ADAMTS14: variants seen among roughly 807,000 people sequenced by gnomAD.
ADAMTS14 encodes the protein ADAM metallopeptidase with thrombospondin type 1 motif 14, also known as A disintegrin and metalloproteinase with thrombospondin motifs 14.
A neutral mutation model predicts 128.6 loss-of-function variants in ADAMTS14; 100 were observed. The ratio of observed to expected loss-of-function variants is 0.78; its 90% confidence interval spans 0.66 to 0.92. ADAMTS14 has a LOEUF of 0.92. ADAMTS14 is among the 40% of genes least tolerant of loss of function. The probability of loss-of-function intolerance (pLI) is 0.00; values close to 1 mark genes in which losing one functional copy is unlikely to be tolerated. For synonymous variants in ADAMTS14, 665 were observed against 653.8 expected, an observed-to-expected ratio of 1.02 and a Z score of -0.26; for missense variants, 1,562 against 1,658.6, an observed-to-expected ratio of 0.94 and a Z score of 1.01.
Position 70,760,908 on chromosome 10 carries a change from TC to T in ADAMTS14, c.*58del. 1 of 1,504,916 alleles carries T rather than the reference TC, an allele frequency of 6.6e-7. No homozygotes were observed. 93.2% of individuals were successfully genotyped at this position (1,504,916 alleles called of 1,614,324 possible). ...TACACTCTGTGTACTGCCCCGTGAC[TC>T]CCAGCTCAGAGGACACACATAGCAG... is the stretch of plus-strand genomic sequence containing the variant. On this transcript the variant is annotated 3_prime_UTR_variant, in exon 22 of 22. Coordinates refer to ENST00000373207, the MANE Select transcript of ADAMTS14 (RefSeq NM_080722.4).
chr10:70,730,070 C>A (rs373652094), intron 5 of ADAMTS14, 32 bp from the exon 6 acceptor site: 10 of 1,558,046 alleles, frequency 6.4e-6, no homozygotes, highest in Middle Eastern at 2.3e-4. Context: ...TGACCCTCCA[C>A]GTGGCTGTTG....
In ADAMTS14 at chr10:70,760,519, C is replaced by T. The variant is rs1480580283; in HGVS notation, c.3338C>T (p.Pro1113Leu). Residue 1113 changes from proline to leucine, a missense_variant, in exon 22 of 22, where the codon CCC becomes CTC. Transcript: ENST00000373207. ...GPDPGPTSLPPFSTPGSPLPG... is the reference protein window; with the variant it reads ...GPDPGPTSLPLFSTPGSPLPG... Reference sequence around the variant, plus strand: ...GACCCTGGCCCAACCTCACTGCCCCCCTTCTCCACTCCTGGAAGCCCCTTA... The same window carrying T: ...GACCCTGGCCCAACCTCACTGCCCCTCTTCTCCACTCCTGGAAGCCCCTTA... 1.2e-6 allele frequency: 2 copies of T among 1,613,824 alleles called. No homozygotes were observed. Among genetic ancestry groups the T allele is most frequent in the East Asian group, 2.2e-5 (1 of 44,882 alleles).
chr10:70,745,928 G>A (rs1380945216), intron 15 of ADAMTS14, among the ~76,000 whole-genome samples: 1 of 152,170 alleles, frequency 6.6e-6, no homozygotes, highest in African/African-American at 2.4e-5. Flanking sequence ...CTAACCCAGT[G>A]TTATTCACAT....
chr10:70,691,515 A>G (rs1254408030), intron 2 of ADAMTS14, among the ~76,000 whole-genome samples: 2 of 108,918 alleles, frequency 1.8e-5, no homozygotes, highest in African/African-American at 5.5e-5. Flanking sequence ...AAAAACAAAG[A>G]AAAAAACAAA....
rs1462337348 is a variant in ADAMTS14 at position 70,749,942 on chromosome 10, G to A, written c.2384G>A (p.Ser795Asn). 1.5e-5 allele frequency: 24 copies of A among 1,614,134 alleles called. No individual in the cohort carries two copies. Among genetic ancestry groups the A allele is most frequent in the East Asian group, 2.2e-5 (1 of 44,870 alleles). Residue 795 changes from serine to asparagine, a missense_variant, in exon 16 of 22, where the codon AGC becomes AAC. Physicochemically the swap from Ser to Asn is conservative, Grantham distance 46 (BLOSUM62 1). Coordinates refer to ENST00000373207, the MANE Select transcript of ADAMTS14 (RefSeq NM_080722.4). ...GATGCGGTGGAGGATGCCAAGGAAA[G>A]CCTCAAGACCAGCGGGCCCCTGCCT... ...WEDAVEDAKESLKTSGPLPEA... is the reference protein window; with the variant it reads ...WEDAVEDAKENLKTSGPLPEA...
intron 16 of ADAMTS14, among the ~76,000 whole-genome samples, chr10:70,750,946 G>A (rs969807735): frequency 6.6e-5 from 10 of 152,234 alleles, no homozygotes; most frequent in Non-Finnish European, 8.8e-5. Flanking sequence ...TCTTAGATAC[G>A]ACAGGCACTA....
chr10:70,697,886 A>G (rs1840380655), intron 2 of ADAMTS14, among the ~76,000 whole-genome samples: 1 of 152,214 alleles, frequency 6.6e-6, no homozygotes, highest in Admixed American at 6.5e-5. Context: ...AAACGATGTC[A>G]TGTTGGAGAA....
chr10:70,673,994 A>G (rs953521842), intron 1 of ADAMTS14, among the ~76,000 whole-genome samples: 1 of 152,182 alleles, frequency 6.6e-6, no homozygotes, highest in Non-Finnish European at 1.5e-5. Flanking sequence ...TCCTGTAAAA[A>G]GTTTTCTTTC....
At chr10:70,674,518 C>T (rs987007484) in intron 1 of ADAMTS14, 38 bp from the exon 2 acceptor site, 10 of 1,581,448 alleles carry the variant, frequency 6.3e-6, no homozygotes, top group East Asian at 2.2e-5. Flanking sequence ...ACCTCTGAAC[C>T]GACTGCATTG....
intron 15 of ADAMTS14, 34 bp downstream of exon 15, chr10:70,745,340 G>A: frequency 1.9e-6 from 3 of 1,607,664 alleles, no homozygotes; most frequent in Non-Finnish European, 2.5e-6. Flanking sequence ...GGACAGCAGG[G>A]CCCCAGGCCC....
chr10:70,674,957 C>T lies in ADAMTS14; in HGVS notation c.484C>T (p.Pro162Ser), dbSNP rs773646424. ...CVYTGGVTGM[P>S]GAAVAISNCD... ...GTACACTGGAGGTGTCACTGGAATG[C>T]CTGGGGCAGCTGTTGCCATCAGCAA... is the stretch of plus-strand genomic sequence containing the variant. Residue 162 changes from proline to serine, a missense_variant, in exon 2 of 22, where the codon CCT becomes TCT. Transcript: ENST00000373207. The T allele has an allele frequency of 3.7e-6, 6 of 1,612,942 alleles. No individual in the cohort carries two copies. The East Asian group carries it at 1.3e-4, about 36-fold the overall frequency.
At chr10:70,700,701 T>G (rs1450977913) in intron 2 of ADAMTS14, among the ~76,000 whole-genome samples, 1 of 152,150 alleles carries the variant, frequency 6.6e-6, no homozygotes, top group East Asian at 1.9e-4. Flanking sequence ...ACCTGATGGA[T>G]AGTCATCCTT....
intron 8 of ADAMTS14, 121 bp from the exon 9 acceptor site, chr10:70,735,048 G>A (rs1030791579): frequency 2.3e-6 from 3 of 1,324,568 alleles, no homozygotes; most frequent in Admixed American, 2.4e-5. Flanking sequence ...ACAGCGCTGG[G>A]AACAGAATAG....
chr10:70,704,184 C>T (rs897798759), intron 3 of ADAMTS14, among the ~76,000 whole-genome samples: 4 of 152,186 alleles, frequency 2.6e-5, no homozygotes, highest in Non-Finnish European at 5.9e-5. Flanking sequence ...ACATCTCCAG[C>T]TGTGGCTGAG....
chr10:70,677,005 C>T (rs1022405565), intron 2 of ADAMTS14, among the ~76,000 whole-genome samples: 5 of 152,190 alleles, frequency 3.3e-5, no homozygotes, highest in African/African-American at 1.2e-4. Flanking sequence ...ATGGTGAGAA[C>T]CTAAACTGAG....
At chr10:70,681,445 T>C (rs566939478) in intron 2 of ADAMTS14, among the ~76,000 whole-genome samples, 2 of 152,220 alleles carry the variant, frequency 1.3e-5, no homozygotes, top group South Asian at 4.2e-4. Flanking sequence ...GAAAATGTAA[T>C]TGGAAAATGT....
chr10:70,683,569 C>T (rs1022658115), intron 2 of ADAMTS14, among the ~76,000 whole-genome samples: 10 of 152,214 alleles, frequency 6.6e-5, no homozygotes, highest in African/African-American at 2.4e-4. Context: ...AGCACAGGCT[C>T]TCCTGGGGAA....
chr10:70,752,183 G>A lies in ADAMTS14; in HGVS notation c.2685G>A (p.Lys895=). The A allele has an allele frequency of 1.9e-6, 3 of 1,613,758 alleles. 1 individual carries two copies. In the South Asian group the frequency reaches 3.3e-5, roughly 18 times the overall value. The part of the protein sequence containing the change: ...RHLCDHKKRP[K]PIRRRCNQHP... ...TGTGTGACCACAAGAAGAGGCCCAA[G>A]CCCATCCGCCGGCGCTGCAACCAGC... is the stretch of plus-strand genomic sequence containing the variant. Residue 895 remains lysine (K), a synonymous_variant, in exon 18 of 22, where the codon AAG becomes AAA. Transcript: ENST00000373207.
chr10:70,718,106 C>T (rs1841114526), intron 4 of ADAMTS14, among the ~76,000 whole-genome samples: 1 of 152,218 alleles, frequency 6.6e-6, no homozygotes, highest in South Asian at 2.1e-4. Flanking sequence ...ATGCATTACA[C>T]ATCCATCATA....
Sources: allele counts gnomAD v4.1 joint callset (sites outside exome capture counted in the v4.1 genomes callset), GRCh38; gene constraint gnomAD v4.1.1; transcripts MANE v1.5; gene names NCBI Gene and HGNC (gene_info 2026-07-23, HGNC 2026-07-21).